The following ADCK1 variants were observed in gnomAD, a reference collection of about 807,000 sequenced individuals.
ADCK1 encodes aarF domain-containing protein kinase 1.
ADCK1 carries 41 observed loss-of-function variants against 52.3 expected under a neutral mutation model. The observed-to-expected ratio is 0.78, with a 90% CI of 0.61 to 1.02. The LOEUF (loss-of-function observed/expected upper bound fraction) is 1.02. ADCK1 is among the 50% of genes least tolerant of loss of function. ADCK1 has a pLI of 0.00. For synonymous variants in ADCK1, 250 were observed against 274.6 expected (o/e 0.91, Z 0.89); for missense variants, 658 against 679.5 (o/e 0.97, Z 0.35).
chr14:77,800,364 A>G (rs1309333740), intron 1 of ADCK1, among the ~76,000 whole-genome samples, 194 bp downstream of exon 1: 1 of 152,218 alleles, frequency 6.6e-6, no homozygotes, highest in Non-Finnish European at 1.5e-5. Context: ...GCGCGCGGCC[A>G]CGTGGCTCGG....
Position 77,822,459 on chromosome 14 carries a change from C to T in ADCK1, c.160C>T (p.Leu54Phe). ...GACGGCTGTCATCAGTTACGACTAC[C>T]TCACTTCCCTGAAGAGTGTCCCTTA... ...ATTAVISYDY[L>F]TSLKSVPYGS... Residue 54 changes from leucine to phenylalanine, a missense_variant, in exon 3 of 11, where the codon CTC becomes TTC. By Grantham distance (22) the Leu-to-Phe change is conservative (BLOSUM62 0). Coordinates refer to ENST00000238561, the MANE Select transcript of ADCK1 (RefSeq NM_020421.4). 1 of 1,614,134 alleles carries T rather than the reference C, an allele frequency of 6.2e-7. No individual in the cohort carries two copies. The highest frequency in any genetic ancestry group is 8.5e-7 in the Non-Finnish European group (1 of 1,179,990).
At chr14:77,840,269 A>G (rs1297884188) in intron 3 of ADCK1, among the ~76,000 whole-genome samples, 2 of 152,072 alleles carry the variant, frequency 1.3e-5, no homozygotes, top group South Asian at 2.1e-4. Flanking sequence ...AACGGTTCTC[A>G]CTGGGAGAAA....
chr14:77,917,431 C>T (rs963424727), intron 7 of ADCK1, among the ~76,000 whole-genome samples: 28 of 152,060 alleles, frequency 1.8e-4, no homozygotes, highest in African/African-American at 6.8e-4. Context: ...AAGACACCCC[C>T]CAGGAACATG....
intron 6 of ADCK1, 31 bp from the exon 7 acceptor site, chr14:77,907,772 A>C (rs764940937): frequency 1.9e-6 from 3 of 1,563,860 alleles, no homozygotes; most frequent in South Asian, 2.3e-5. Context: ...CAGCTTCCCC[A>C]GACCATCTGA....
intron 7 of ADCK1, among the ~76,000 whole-genome samples, chr14:77,922,461 A>T (rs2084084005): frequency 6.6e-6 from 1 of 152,192 alleles, no homozygotes; most frequent in South Asian, 2.1e-4. Flanking sequence ...CTCACCTTCC[A>T]GGGGTGTTAT....
chr14:77,822,302 G>T, intron 2 of ADCK1, 133 bp from the exon 3 acceptor site: 1 of 685,452 alleles, frequency 1.5e-6, no homozygotes, highest in Non-Finnish European at 2.6e-6. Flanking sequence ...CAGGGGCCAG[G>T]CATCTTAGGG....
intron 4 of ADCK1, among the ~76,000 whole-genome samples, chr14:77,881,875 T>TA (rs2083032961): frequency 6.6e-6 from 1 of 152,186 alleles, no homozygotes; most frequent in Admixed American, 6.5e-5. Flanking sequence ...CCTTGGAAGA[T>TA]ACAGGAATAA....
chr14:77,800,679 G>A (rs1272297961), intron 1 of ADCK1, among the ~76,000 whole-genome samples: 2 of 152,224 alleles, frequency 1.3e-5, no homozygotes, highest in Admixed American at 6.5e-5. Flanking sequence ...GCATCTTGCA[G>A]GGCCCTGGGC....
chr14:77,885,517 C>G (rs2083128811), intron 4 of ADCK1, among the ~76,000 whole-genome samples: 2 of 152,074 alleles, frequency 1.3e-5, no homozygotes, highest in African/African-American at 2.4e-5. Flanking sequence ...GATGACAGGG[C>G]TGGAGGGAGT....
At chr14:77,932,215 A>T (rs1408617229) in intron 10 of ADCK1, among the ~76,000 whole-genome samples, 1 of 151,786 alleles carries the variant, frequency 6.6e-6, no homozygotes, top group Admixed American at 6.6e-5. Context: ...TATCCAGCTA[A>T]TTTTTATATT....
chr14:77,907,716 T>C, intron 6 of ADCK1, 87 bp from the exon 7 acceptor site: 1 of 974,608 alleles, frequency 1.0e-6, no homozygotes, highest in East Asian at 2.7e-5. Context: ...GGAGCCTCTG[T>C]TGCTGTCTGG....
At chr14:77,812,209 A>G (rs759097296) in intron 1 of ADCK1, among the ~76,000 whole-genome samples, 3 of 152,166 alleles carry the variant, frequency 2.0e-5, no homozygotes, top group Non-Finnish European at 2.9e-5. Context: ...TAGAGTTTCC[A>G]TGTTGTACAT....
intron 7 of ADCK1, 37 bp downstream of exon 7, chr14:77,907,956 C>T (rs776991859): frequency 1.4e-5 from 22 of 1,589,782 alleles, no homozygotes; most frequent in Middle Eastern, 1.7e-4. Flanking sequence ...TGCCGGGGAA[C>T]GTGGGCTTGG....
chr14:77,886,982 A>C, intron 4 of ADCK1, 109 bp from the exon 5 acceptor site: 2 of 1,218,098 alleles, frequency 1.6e-6, no homozygotes. Context: ...TTCTCTCTCA[A>C]ATCTGTCCTG....
chr14:77,933,345 A>T lies in ADCK1; in HGVS notation c.1526A>T (p.Asp509Val), dbSNP rs1208074812. ...CGTGTGAAGGGGTTGAAGCTGGCTG[A>T]CCGGGTCTTGGCCCTAATATGCTGG... ...ILRVKGLKLA[D>V]RVLALICWLF... Residue 509 changes from aspartate (D) to valine (V), a missense_variant, in exon 11 of 11, where the codon GAC becomes GTC. Coordinates refer to ENST00000238561, the MANE Select transcript of ADCK1 (RefSeq NM_020421.4). 2 of 1,614,108 alleles carry T rather than the reference A, an allele frequency of 1.2e-6. No individual in the cohort carries two copies. Among genetic ancestry groups the T allele is most frequent in the African/African-American group, 1.3e-5 (1 of 75,014 alleles).
chr14:77,924,382 T>C, intron 7 of ADCK1, 75 bp from the exon 8 acceptor site: 2 of 1,570,690 alleles, frequency 1.3e-6, no homozygotes, highest in Non-Finnish European at 1.7e-6. Flanking sequence ...AGTGACCACA[T>C]TGAGAGACCA....
chr14:77,879,228 G>T (rs1201056870), intron 4 of ADCK1, among the ~76,000 whole-genome samples: 1 of 152,186 alleles, frequency 6.6e-6, no homozygotes, highest in Admixed American at 6.5e-5. Context: ...AATACTTACC[G>T]AGTACCATCA....
At chr14:77,878,397 T>C (rs1489450546) in intron 4 of ADCK1, among the ~76,000 whole-genome samples, 1 of 152,262 alleles carries the variant, frequency 6.6e-6, no homozygotes, top group Admixed American at 6.5e-5. Flanking sequence ...GAACTACCCA[T>C]GGTTGAGCAT....
intron 3 of ADCK1, among the ~76,000 whole-genome samples, chr14:77,826,106 A>C (rs963699620): frequency 2.6e-5 from 4 of 152,232 alleles, no homozygotes; most frequent in Admixed American, 6.5e-5. Context: ...AGGAAAGTGC[A>C]GCCTGGCATT....
Sources: gnomAD v4.1 joint callset for allele counts (sites outside exome capture counted in the v4.1 genomes callset) on GRCh38, gnomAD v4.1.1 for gene constraint, MANE v1.5 for transcripts, NCBI Gene and HGNC (gene_info 2026-07-23, HGNC 2026-07-21) for gene names.